XPR1: variants seen among roughly 807,000 people sequenced by gnomAD.
XPR1 encodes the protein solute carrier family 53 member 1.
In XPR1, 28 loss-of-function variants were observed where a neutral mutation model predicts 87.5. The observed-to-expected ratio is 0.32, with a 90% CI of 0.24 to 0.44. The LOEUF is 0.44. Ranked by LOEUF, XPR1 falls within the 20% of genes least tolerant of loss-of-function variation. The probability of loss-of-function intolerance (pLI) is 1.00; values close to 1 mark genes in which losing one functional copy is unlikely to be tolerated. For missense variants in XPR1, 559 were observed against 862.3 expected, an observed-to-expected ratio of 0.65 and a Z score of 4.41; for synonymous variants, 300 against 306.1, an observed-to-expected ratio of 0.98 and a Z score of 0.21.
intron 1 of XPR1, among the ~76,000 whole-genome samples, chr1:180,635,626 A>T (rs1654735342): frequency 6.6e-6 from 1 of 152,146 alleles, no homozygotes; most frequent in South Asian, 2.1e-4. Context: ...GAATTTAAAG[A>T]TTATCTACCT....
rs115546022 is a variant in XPR1 at position 180,796,873 on chromosome 1, A to C, written c.224-6515A>C. On this transcript the variant is annotated intron_variant, in intron 3 of 14. Transcript: ENST00000367590. ...TTACATTATGATACAAAATGGATGA[A>C]ACTCAAAATCATCCTGCTAAGTTAA... Among the ~76,000 whole-genome samples the C allele has an allele frequency of 7.5e-3, 1,138 of 152,372 alleles. 12 individuals are homozygous for C. The highest frequency in any genetic ancestry group is 0.025 in the African/African-American group (1,035 of 41,602).
intron 1 of XPR1, among the ~76,000 whole-genome samples, chr1:180,660,333 A>G (rs541576335): frequency 6.6e-6 from 1 of 151,828 alleles, no homozygotes; most frequent in South Asian, 2.1e-4. Flanking sequence ...CATTAATTTT[A>G]TATTTTAATT....
At chr1:180,653,061 C>G (rs1288339697) in intron 1 of XPR1, among the ~76,000 whole-genome samples, 1 of 152,166 alleles carries the variant, frequency 6.6e-6, no homozygotes, top group African/African-American at 2.4e-5. Flanking sequence ...CTGCTTAGGA[C>G]TGCTTGAATT....
At chr1:180,659,098 CCCTCCCTCCCTT>C (rs531010991) in intron 1 of XPR1, among the ~76,000 whole-genome samples, 4,947 of 91,884 alleles carry the variant, frequency 0.054, 347 homozygotes, top group African/African-American at 0.18. Context: ...CTTCCTCCCT[CCCTCCCTCCCTT>C]CCTCCCTCCC....
At chr1:180,879,989 G>T in intron 13 of XPR1, 87 bp from the exon 14 acceptor site, 1 of 1,406,588 alleles carries the variant, frequency 7.1e-7, no homozygotes. Context: ...GTTTCCATGA[G>T]TGGAAACTTG....
chr1:180,652,153 G>A (rs1036975862), intron 1 of XPR1, among the ~76,000 whole-genome samples: 4 of 152,154 alleles, frequency 2.6e-5, no homozygotes, highest in African/African-American at 9.7e-5. Flanking sequence ...TTAGCCAGGT[G>A]TGGTGGCGGT....
chr1:180,746,345 TC>T (rs1208653084), intron 2 of XPR1, among the ~76,000 whole-genome samples: 1 of 152,154 alleles, frequency 6.6e-6, no homozygotes, highest in African/African-American at 2.4e-5. Context: ...TAGCTTAGCT[TC>T]CACTTACAAG....
intron 11 of XPR1, among the ~76,000 whole-genome samples, chr1:180,837,306 C>G (rs1231475409): frequency 6.6e-6 from 1 of 152,178 alleles, no homozygotes; most frequent in Non-Finnish European, 1.5e-5. Context: ...TGTCAGTCAA[C>G]AATCTCACTT....
In XPR1 at chr1:180,680,184, C is replaced by T. The variant is rs1294418376; in HGVS notation, c.70-2176C>T. Reference sequence around the variant, plus strand: ...AAACCACAGTGAGGTATCATCTCACCCCAGTTAGGCTGTTATCAAAACGAC... The same window carrying T: ...AAACCACAGTGAGGTATCATCTCACTCCAGTTAGGCTGTTATCAAAACGAC... On this transcript the variant is annotated intron_variant, in intron 1 of 14. Transcript: ENST00000367590. 2.0e-5 allele frequency among the ~76,000 whole-genome samples: 3 copies of T among 151,702 alleles called. No individual in the cohort carries two copies. The East Asian group carries it at 5.8e-4, about 29-fold the overall frequency.
At chr1:180,790,643 C>A (rs565685359) in intron 3 of XPR1, among the ~76,000 whole-genome samples, 4 of 152,002 alleles carry the variant, frequency 2.6e-5, no homozygotes, top group Non-Finnish European at 5.9e-5. Flanking sequence ...GGGTTCACGT[C>A]ATTCTCCTGC....
At chr1:180,828,046 T>G (rs1176328937) in intron 9 of XPR1, among the ~76,000 whole-genome samples, 2 of 152,018 alleles carry the variant, frequency 1.3e-5, no homozygotes, top group Non-Finnish European at 2.9e-5. Context: ...CTGGCCAATT[T>G]TTTGTATTTT....
At chr1:180,705,661 A>G (rs1332618870) in intron 2 of XPR1, among the ~76,000 whole-genome samples, 70 of 152,292 alleles carry the variant, frequency 4.6e-4, no homozygotes, top group Admixed American at 4.6e-3. Context: ...TTTTTTCTGT[A>G]TGGGATCCTC....
intron 1 of XPR1, among the ~76,000 whole-genome samples, chr1:180,655,850 A>G (rs916367495): frequency 1.3e-5 from 2 of 151,912 alleles, no homozygotes; most frequent in South Asian, 2.1e-4. Context: ...TAGTAGGTGT[A>G]TATATTTATG....
At chr1:180,733,198 GA>G (rs1260355102) in intron 2 of XPR1, among the ~76,000 whole-genome samples, 3 of 152,138 alleles carry the variant, frequency 2.0e-5, no homozygotes, top group African/African-American at 7.2e-5. Context: ...GTGGTCTTGG[GA>G]AATGCAACAT....
intron 2 of XPR1, among the ~76,000 whole-genome samples, chr1:180,744,436 A>G (rs1659014618): frequency 6.6e-6 from 1 of 151,854 alleles, no homozygotes; most frequent in Middle Eastern, 3.4e-3. Context: ...AAGCATTTTA[A>G]TGATAGTTTT....
At chr1:180,799,377 C>CT (rs1343351306) in intron 3 of XPR1, among the ~76,000 whole-genome samples, 1 of 152,160 alleles carries the variant, frequency 6.6e-6, no homozygotes, top group African/African-American at 2.4e-5. Context: ...GAACCCCATC[C>CT]TTTCAGAGTC....
chr1:180,645,462 A>G lies in XPR1; in HGVS notation c.69+13192A>G, dbSNP rs1280976711. Among the ~76,000 whole-genome samples the G allele has an allele frequency of 2.6e-5, 4 of 152,228 alleles. No homozygotes were observed. The East Asian group carries it at 7.7e-4, about 29-fold the overall frequency. On this transcript the variant is annotated intron_variant, in intron 1 of 14. Coordinates refer to ENST00000367590, the MANE Select transcript of XPR1 (RefSeq NM_004736.4). ...TCTGCCGACTTGATCACAGTTGTCC[A>G]TCTCTCCCGAAGTGACAGATTGAGT...
intron 11 of XPR1, among the ~76,000 whole-genome samples, chr1:180,853,838 C>G (rs1362616856): frequency 7.3e-5 from 2 of 27,540 alleles, no homozygotes; most frequent in African/African-American, 1.3e-4. Flanking sequence ...GTTCGTTTTT[C>G]TTGAAATCAG....
intron 1 of XPR1, among the ~76,000 whole-genome samples, chr1:180,681,030 T>G (rs776529719): frequency 1.3e-5 from 2 of 152,048 alleles, no homozygotes; most frequent in Non-Finnish European, 2.9e-5. Context: ...AAATAAAAAG[T>G]AGTGCAGAGA....
Sources: gnomAD v4.1 joint callset for allele counts (sites outside exome capture counted in the v4.1 genomes callset) on GRCh38, gnomAD v4.1.1 for gene constraint, MANE v1.5 for transcripts, NCBI Gene and HGNC (gene_info 2026-07-23, HGNC 2026-07-21) for gene names.